HS6ST2: variants seen among roughly 807,000 people sequenced by gnomAD.
HS6ST2 encodes heparan-sulfate 6-O-sulfotransferase 2.
HS6ST2 carries 17 observed loss-of-function variants against 33.0 expected under a neutral mutation model. That is an observed-to-expected ratio of 0.52 (90% CI 0.35 to 0.77). The LOEUF is 0.77. HS6ST2 is among the 30% of genes least tolerant of loss of function. The pLI is 0.01. For synonymous variants in HS6ST2, 248 were observed against 237.1 expected (o/e 1.05, Z -0.42); for missense variants, 519 against 551.7 (o/e 0.94, Z 0.59).
At chrX:132,766,345 C>A (rs187382807) in intron 2 of HS6ST2, among the ~76,000 whole-genome samples, 8 of 112,034 alleles carry the variant, frequency 7.1e-5, no homozygotes, top group Non-Finnish European at 1.5e-4. Flanking sequence ...CTAAGAAAGG[C>A]AGGCCTAAAA....
chrX:132,958,537 G>A lies in HS6ST2; in HGVS notation c.66C>T (p.Pro22=). 1 of 1,184,737 alleles carries A rather than the reference G, an allele frequency of 8.4e-7. No homozygotes were observed. Among genetic ancestry groups the A allele is most frequent in the Non-Finnish European group, 1.1e-6 (1 of 882,181 alleles). ...EPPRQPERGA[P]VRTTCPRRHS... ...GCCGGCGGGGACAGGTGGTGCGGACGGGCGCTCCTCGCTCCGGTTGCCGCG... is the reference window on the plus strand; with the variant it reads ...GCCGGCGGGGACAGGTGGTGCGGACAGGCGCTCCTCGCTCCGGTTGCCGCG... Residue 22 remains proline, a synonymous_variant, in exon 1 of 5, where the codon CCC becomes CCT. Transcript: ENST00000370833.
At chrX:132,936,842 TG>T (rs1385006735) in intron 2 of HS6ST2, among the ~76,000 whole-genome samples, 1 of 108,137 alleles carries the variant, frequency 9.2e-6, no homozygotes, top group East Asian at 2.9e-4. Flanking sequence ...CATGTACACT[TG>T]AACCTAAAAT....
intron 2 of HS6ST2, among the ~76,000 whole-genome samples, chrX:132,750,348 A>G (rs1402676741): frequency 1.3e-4 from 5 of 39,428 alleles, no homozygotes; most frequent in Admixed American, 5.8e-4. Flanking sequence ...GCCCATCAAG[A>G]AAAAAAAAAA....
At chrX:132,752,667 G>A (rs961653541) in intron 2 of HS6ST2, among the ~76,000 whole-genome samples, 2 of 111,502 alleles carry the variant, frequency 1.8e-5, no homozygotes, top group African/African-American at 6.5e-5. Context: ...TTTCTGCCAA[G>A]TCAAGTCAGC....
At chrX:132,791,106 C>T (rs143239504) in intron 2 of HS6ST2, among the ~76,000 whole-genome samples, 1,137 of 110,462 alleles carry the variant, frequency 0.01, 18 homozygotes, top group African/African-American at 0.034. Context: ...ATGACTGCAC[C>T]GCTGCATTCC....
intron 2 of HS6ST2, among the ~76,000 whole-genome samples, chrX:132,787,711 G>A (rs368728713): frequency 8.3e-5 from 9 of 108,031 alleles, no homozygotes; most frequent in Non-Finnish European, 1.3e-4. Context: ...TGAGCACGGC[G>A]AAACCCCCAT....
chrX:132,950,793 G>A (rs1444402935), intron 2 of HS6ST2, among the ~76,000 whole-genome samples: 1 of 111,362 alleles, frequency 9.0e-6, no homozygotes, highest in Admixed American at 9.6e-5. Flanking sequence ...AAACCTTTTC[G>A]TTTTGGCTTT....
chrX:132,937,589 A>C (rs771160050), intron 2 of HS6ST2, among the ~76,000 whole-genome samples: 7 of 111,672 alleles, frequency 6.3e-5, no homozygotes, highest in Admixed American at 9.5e-5. Context: ...AAGAATATAT[A>C]TTGGGAAAAG....
intron 2 of HS6ST2, among the ~76,000 whole-genome samples, chrX:132,929,602 A>T (rs1409686569): frequency 8.9e-6 from 1 of 111,756 alleles, no homozygotes; most frequent in East Asian, 2.8e-4. Context: ...TGGAACACAA[A>T]ATTACCAAGA....
chrX:132,747,162 G>A (rs2064652879), intron 2 of HS6ST2, among the ~76,000 whole-genome samples: 2 of 111,652 alleles, frequency 1.8e-5, no homozygotes, highest in African/African-American at 6.5e-5. Flanking sequence ...GAGGGGTTGT[G>A]CAACTCAGTC....
intron 2 of HS6ST2, among the ~76,000 whole-genome samples, chrX:132,788,245 G>A (rs1383422204): frequency 1.8e-5 from 2 of 111,419 alleles, no homozygotes; most frequent in East Asian, 2.8e-4. Flanking sequence ...ATGTCTCTGT[G>A]TTACATTTTG....
chrX:132,866,131 T>C (rs1166590992), intron 2 of HS6ST2, among the ~76,000 whole-genome samples: 1 of 110,878 alleles, frequency 9.0e-6, no homozygotes, highest in Non-Finnish European at 1.9e-5. Context: ...TTTAAGTCTT[T>C]AATCCATCTT....
At chrX:132,815,165 T>C (rs2065383514) in intron 2 of HS6ST2, among the ~76,000 whole-genome samples, 1 of 112,460 alleles carries the variant, frequency 8.9e-6, no homozygotes, top group African/African-American at 3.2e-5. Context: ...ATAGAAATTA[T>C]GTATGAATAC....
intron 2 of HS6ST2, among the ~76,000 whole-genome samples, chrX:132,752,519 C>T (rs1314984235): frequency 4.6e-5 from 5 of 109,370 alleles, no homozygotes; most frequent in African/African-American, 1.7e-4. Context: ...GATTTAGCCA[C>T]TTCTTCCAAT....
intron 2 of HS6ST2, among the ~76,000 whole-genome samples, chrX:132,762,989 C>T (rs187201569): frequency 1.8e-5 from 2 of 111,499 alleles, no homozygotes; most frequent in Non-Finnish European, 3.8e-5. Context: ...TGTAAAATGC[C>T]GATGACAATA....
rs1479727113 is a variant in HS6ST2 at position 132,958,408 on chromosome X, C to G, written c.195G>C (p.Arg65=). 1 of 1,197,886 alleles carries G rather than the reference C, an allele frequency of 8.3e-7. No individual in the cohort carries two copies. Among genetic ancestry groups the G allele is most frequent in the Non-Finnish European group, 1.1e-6 (1 of 891,600 alleles). Residue 65 remains arginine (R), a synonymous_variant, in exon 1 of 5, where the codon CGG becomes CGC. Transcript: ENST00000370833. ...PRGVSHGFHT[R]PLLDKPRKAS... is the part of the protein sequence containing the mutation. ...CCTTTCGGGGCTTGTCCAGGAGCGG[C>G]CGGGTGTGGAATCCGTGAGACACAC...
intron 2 of HS6ST2, among the ~76,000 whole-genome samples, chrX:132,770,104 A>G (rs939727837): frequency 2.7e-5 from 3 of 111,948 alleles, no homozygotes; most frequent in Non-Finnish European, 5.6e-5. Flanking sequence ...GGTAGTTATC[A>G]TCTCCTGAGT....
At chrX:132,911,102 A>T (rs1363511032) in intron 2 of HS6ST2, among the ~76,000 whole-genome samples, 1 of 105,245 alleles carries the variant, frequency 9.5e-6, no homozygotes, top group Non-Finnish European at 1.9e-5. Context: ...TTGAGCTGAG[A>T]TTGCAGCACT....
chrX:132,914,653 G>T (rs1389881141), intron 2 of HS6ST2, among the ~76,000 whole-genome samples: 1 of 111,702 alleles, frequency 9.0e-6, no homozygotes, highest in Non-Finnish European at 1.9e-5. Flanking sequence ...CCATTTTTTG[G>T]GCAGCCATCT....
Sources: allele counts gnomAD v4.1 joint callset (sites outside exome capture counted in the v4.1 genomes callset), GRCh38; gene constraint gnomAD v4.1.1; transcripts MANE v1.5; gene names NCBI Gene and HGNC (gene_info 2026-07-23, HGNC 2026-07-21).